Variants in PCCA observed in about 807,000 individuals in gnomAD.
PCCA encodes the protein propionyl-CoA carboxylase subunit alpha, also known as propionyl-CoA carboxylase alpha chain, mitochondrial.
PCCA carries 74 observed loss-of-function variants against 101.3 expected under a neutral mutation model. That is an observed-to-expected ratio of 0.73 (90% confidence interval 0.61 to 0.89). The LOEUF (loss-of-function observed/expected upper bound fraction) is 0.89, where lower values mean the gene tolerates loss of function less well. Ranked by LOEUF, PCCA falls within the 40% of genes least tolerant of loss-of-function variation. The probability of loss-of-function intolerance (pLI) is 0.00; values close to 1 mark genes in which losing one functional copy is unlikely to be tolerated. For synonymous variants in PCCA, 294 were observed against 313.6 expected (o/e 0.94, Z 0.66); for missense variants, 891 against 907.0 (o/e 0.98, Z 0.23).
intron 1 of PCCA, among the ~76,000 whole-genome samples, chr13:100,099,957 C>G (rs993284313): frequency 6.6e-6 from 1 of 152,064 alleles, no homozygotes; most frequent in Non-Finnish European, 1.5e-5. Flanking sequence ...CTCTTATTGA[C>G]TATATTATTC....
chr13:100,491,624 G>A (rs750023399), intron 21 of PCCA: 6 of 1,299,990 alleles, frequency 4.6e-6, no homozygotes, highest in South Asian at 3.7e-5. Context: ...GGCCAAAGCG[G>A]TGCACTCTTA....
chr13:100,319,697 G>A (rs1260474101), intron 16 of PCCA, among the ~76,000 whole-genome samples: 1 of 152,154 alleles, frequency 6.6e-6, no homozygotes, highest in Non-Finnish European at 1.5e-5. Context: ...TGGTCCATAT[G>A]TCTGTTTTGG....
intron 21 of PCCA, among the ~76,000 whole-genome samples, chr13:100,459,013 C>G (rs899792978): frequency 6.6e-6 from 1 of 152,068 alleles, no homozygotes; most frequent in Non-Finnish European, 1.5e-5. Flanking sequence ...CCTAGAGGCT[C>G]TTAGGGAGGG....
At chr13:100,319,334 G>A (rs1432620875) in intron 16 of PCCA, among the ~76,000 whole-genome samples, 1 of 151,920 alleles carries the variant, frequency 6.6e-6, no homozygotes, top group Non-Finnish European at 1.5e-5. Context: ...AAGCTCTTTA[G>A]TTTAATTAGA....
intron 14 of PCCA, 109 bp downstream of exon 14, chr13:100,303,107 A>G: frequency 1.3e-6 from 1 of 785,036 alleles, no homozygotes; most frequent in South Asian, 1.4e-5. Context: ...AGGACAAGTG[A>G]AATTCATGGG....
intron 21 of PCCA, among the ~76,000 whole-genome samples, chr13:100,451,609 A>C (rs569437808): frequency 6.6e-6 from 1 of 151,868 alleles, no homozygotes; most frequent in East Asian, 1.9e-4. Flanking sequence ...TGAGCTCGAA[A>C]AGTTTCTCCC....
intron 20 of PCCA, among the ~76,000 whole-genome samples, chr13:100,433,036 C>T (rs889907598): frequency 6.6e-6 from 1 of 152,236 alleles, no homozygotes; most frequent in East Asian, 1.9e-4. Context: ...TTATCCATTC[C>T]TCTGTCAACG....
intron 22 of PCCA, among the ~76,000 whole-genome samples, chr13:100,526,971 G>A (rs2087883215): frequency 1.3e-5 from 2 of 152,264 alleles, no homozygotes; most frequent in Admixed American, 1.3e-4. Flanking sequence ...TTTTCCGGAA[G>A]CTGCCTTGTG....
chr13:100,239,626 C>T (rs947807729), intron 8 of PCCA, among the ~76,000 whole-genome samples: 1 of 152,102 alleles, frequency 6.6e-6, no homozygotes, highest in Admixed American at 6.6e-5. Context: ...CAATGATAGA[C>T]AACAGTAATC....
intron 7 of PCCA, among the ~76,000 whole-genome samples, chr13:100,222,464 TATTA>T (rs2059879228): frequency 1.3e-5 from 2 of 152,236 alleles, no homozygotes; most frequent in South Asian, 4.1e-4. Context: ...TAAATTTGGC[TATTA>T]ATTTAGGTTT....
chr13:100,352,164 G>A (rs879379378), intron 18 of PCCA, among the ~76,000 whole-genome samples: 1 of 152,120 alleles, frequency 6.6e-6, no homozygotes, highest in Non-Finnish European at 1.5e-5. Context: ...AATCCTACCT[G>A]ATGGGTAATT....
intron 7 of PCCA, among the ~76,000 whole-genome samples, chr13:100,217,956 T>G (rs2059612594): frequency 1.3e-5 from 2 of 151,536 alleles, no homozygotes; most frequent in South Asian, 4.2e-4. Flanking sequence ...GGCCCTGTAA[T>G]GTCAGCTACT....
intron 19 of PCCA, among the ~76,000 whole-genome samples, chr13:100,407,652 A>G (rs1206687563): frequency 2.6e-5 from 4 of 152,178 alleles, no homozygotes; most frequent in Non-Finnish European, 4.4e-5. Context: ...CATTTCCACA[A>G]TTCTTCCACC....
chr13:100,215,460 G>A (rs1039528976), intron 7 of PCCA, among the ~76,000 whole-genome samples: 1 of 151,942 alleles, frequency 6.6e-6, no homozygotes, highest in Non-Finnish European at 1.5e-5. Context: ...CTGGAAGGTG[G>A]GGCTATATTC....
chr13:100,151,768 C>T (rs1300095316), intron 4 of PCCA, among the ~76,000 whole-genome samples: 1 of 152,154 alleles, frequency 6.6e-6, no homozygotes, highest in Non-Finnish European at 1.5e-5. Flanking sequence ...CTTTTTGAAA[C>T]ATATAGCCAG....
chr13:100,444,069 C>G (rs1025283653), intron 20 of PCCA, among the ~76,000 whole-genome samples: 2 of 152,098 alleles, frequency 1.3e-5, no homozygotes, highest in African/African-American at 4.8e-5. Context: ...TTCCTGGTTT[C>G]CTTTCTTGCC....
chr13:100,131,776 G>A (rs1218984370), intron 4 of PCCA, among the ~76,000 whole-genome samples: 1 of 152,198 alleles, frequency 6.6e-6, no homozygotes, highest in African/African-American at 2.4e-5. Flanking sequence ...GTTATGTGAA[G>A]ATGCTCCACA....
At chr13:100,255,226 G>C (rs1170125241) in intron 8 of PCCA, among the ~76,000 whole-genome samples, 2 of 152,140 alleles carry the variant, frequency 1.3e-5, no homozygotes, top group African/African-American at 4.8e-5. Context: ...GCAGCACTGG[G>C]AGACCACAAT....
chr13:100,331,934 A>ATTTTTTT (rs34411352), intron 17 of PCCA, among the ~76,000 whole-genome samples: 1 of 89,762 alleles, frequency 1.1e-5, no homozygotes, highest in Non-Finnish European at 2.0e-5. Context: ...ATTACTTTGG[A>ATTTTTTT]TTTTTTTTTT....
Sources: gnomAD v4.1 joint callset for allele counts (sites outside exome capture counted in the v4.1 genomes callset) on GRCh38, gnomAD v4.1.1 for gene constraint, MANE v1.5 for transcripts, NCBI Gene and HGNC (gene_info 2026-07-23, HGNC 2026-07-21) for gene names.